PAK5: variants seen among roughly 807,000 people sequenced by gnomAD.
PAK5 encodes serine/threonine-protein kinase PAK 5.
Under a neutral mutation model 65.9 loss-of-function variants are expected in PAK5, and 16 were observed. That is an observed-to-expected ratio of 0.24 (90% CI 0.16 to 0.37). The LOEUF (loss-of-function observed/expected upper bound fraction) is 0.37. PAK5 is among the 10% of genes least tolerant of loss of function. The probability of loss-of-function intolerance (pLI) is 1.00; values close to 1 mark genes in which losing one functional copy is unlikely to be tolerated. For missense variants in PAK5, 785 were observed against 903.9 expected (o/e 0.87, Z 1.69); for synonymous variants, 371 against 354.9 (o/e 1.05, Z -0.51).
chr20:9,759,706 C>T (rs1455491128), intron 1 of PAK5, among the ~76,000 whole-genome samples: 1 of 152,030 alleles, frequency 6.6e-6, no homozygotes, highest in Non-Finnish European at 1.5e-5. Flanking sequence ...ATGCATGGGG[C>T]TTTTTTGAAA....
At chr20:9,574,939 G>A (rs770005847) in intron 4 of PAK5, among the ~76,000 whole-genome samples, 2 of 152,108 alleles carry the variant, frequency 1.3e-5, no homozygotes, top group East Asian at 1.9e-4. Context: ...TCTCTGAACC[G>A]AGTTCTGCAG....
chr20:9,601,785 T>C (rs1216206534), intron 3 of PAK5, among the ~76,000 whole-genome samples: 2 of 152,058 alleles, frequency 1.3e-5, no homozygotes, highest in African/African-American at 4.8e-5. Context: ...GAAAAAAACC[T>C]GACCTGGGCA....
chr20:9,594,442 T>A (rs1365038667), intron 3 of PAK5, among the ~76,000 whole-genome samples: 1 of 152,210 alleles, frequency 6.6e-6, no homozygotes, highest in Non-Finnish European at 1.5e-5. Context: ...TAAAGAATTA[T>A]CTGAGTTCCT....
At chr20:9,616,396 C>T (rs901753365) in intron 3 of PAK5, among the ~76,000 whole-genome samples, 3 of 152,318 alleles carry the variant, frequency 2.0e-5, no homozygotes, top group Middle Eastern at 6.8e-3. Context: ...CAATGTTCAT[C>T]CTTCCAGACT....
chr20:9,609,432 A>G (rs760600687), intron 3 of PAK5, among the ~76,000 whole-genome samples: 8 of 152,240 alleles, frequency 5.3e-5, no homozygotes, highest in African/African-American at 1.4e-4. Context: ...AGGGCAAAAC[A>G]TAAGTGTGAA....
chr20:9,791,373 C>T (rs747984362), intron 1 of PAK5, among the ~76,000 whole-genome samples: 1 of 152,118 alleles, frequency 6.6e-6, no homozygotes, highest in Non-Finnish European at 1.5e-5. Context: ...CCACCACTCA[C>T]CCAGTCACCC....
chr20:9,740,122 A>G (rs1011706099), intron 1 of PAK5, among the ~76,000 whole-genome samples: 2 of 152,188 alleles, frequency 1.3e-5, no homozygotes, highest in African/African-American at 4.8e-5. Flanking sequence ...TCTTTGGTGG[A>G]AAAATGTCGG....
intron 3 of PAK5, among the ~76,000 whole-genome samples, chr20:9,642,933 A>G (rs1811072184): frequency 6.6e-6 from 1 of 152,342 alleles, no homozygotes; most frequent in Non-Finnish European, 1.5e-5. Context: ...GAACAGACTC[A>G]TATGTTCAAT....
At chr20:9,540,939 T>A (rs1054279744) in intron 9 of PAK5, among the ~76,000 whole-genome samples, 3 of 152,132 alleles carry the variant, frequency 2.0e-5, no homozygotes, top group Admixed American at 6.5e-5. Flanking sequence ...GGTTTCACCG[T>A]GTTAGCCAGG....
intron 9 of PAK5, among the ~76,000 whole-genome samples, chr20:9,542,103 A>C (rs1461637344): frequency 6.6e-6 from 1 of 152,210 alleles, no homozygotes; most frequent in Non-Finnish European, 1.5e-5. Context: ...ACACTCTGTC[A>C]CATCACAGTA....
rs2045958959 is a variant in PAK5, at chr20:9,580,490, G to A, written c.645C>T (p.Leu215=). The A allele has an allele frequency of 6.2e-7, 1 of 1,614,008 alleles. No homozygotes were observed. Among genetic ancestry groups the A allele is most frequent in the Admixed American group, 1.7e-5 (1 of 60,000 alleles). Residue 215 remains leucine, a synonymous_variant, in exon 4 of 10, where the codon CTC becomes CTT. Transcript: ENST00000353224. ...SLSKPSEYSD[L]KWEYQRASSS... Reference sequence around the variant, plus strand: ...TCGAGGCTCTCTGATACTCCCACTTGAGGTCACTGTATTCACTTGGTTTGC... The same window carrying A: ...TCGAGGCTCTCTGATACTCCCACTTAAGGTCACTGTATTCACTTGGTTTGC...
At chr20:9,640,995 C>A (rs2047051347) in intron 3 of PAK5, among the ~76,000 whole-genome samples, 1 of 152,184 alleles carries the variant, frequency 6.6e-6, no homozygotes, top group Non-Finnish European at 1.5e-5. Context: ...CTGGCTCGGG[C>A]AGCCTGCTTT....
At chr20:9,722,440 G>A (rs2048226602) in intron 1 of PAK5, among the ~76,000 whole-genome samples, 1 of 151,730 alleles carries the variant, frequency 6.6e-6, no homozygotes, top group African/African-American at 2.4e-5. Flanking sequence ...GTGAAACCCC[G>A]TCTCTACTAA....
chr20:9,776,213 A>C (rs1476595373), intron 1 of PAK5, among the ~76,000 whole-genome samples: 1 of 152,254 alleles, frequency 6.6e-6, no homozygotes, highest in Non-Finnish European at 1.5e-5. Flanking sequence ...TAATATGTCC[A>C]AAGTTCAGAA....
chr20:9,629,270 T>C (rs2046890503), intron 3 of PAK5, among the ~76,000 whole-genome samples: 1 of 152,204 alleles, frequency 6.6e-6, no homozygotes, highest in African/African-American at 2.4e-5. Flanking sequence ...GTTATATTTA[T>C]GGTAATTTGT....
intron 4 of PAK5, among the ~76,000 whole-genome samples, chr20:9,578,328 T>A (rs1420163886): frequency 2.0e-5 from 3 of 152,010 alleles, no homozygotes; most frequent in Admixed American, 6.6e-5. Flanking sequence ...TCATCCTTTT[T>A]AAAAAAATAA....
intron 2 of PAK5, among the ~76,000 whole-genome samples, chr20:9,659,551 C>T (rs2047315790): frequency 6.6e-6 from 1 of 152,228 alleles, no homozygotes; most frequent in South Asian, 2.1e-4. Context: ...AAGCTGTCCA[C>T]TTTTAATGTC....
chr20:9,771,452 A>C (rs1391000391), intron 1 of PAK5, among the ~76,000 whole-genome samples: 2 of 151,436 alleles, frequency 1.3e-5, no homozygotes, highest in African/African-American at 4.9e-5. Flanking sequence ...TCTGTCACCC[A>C]GGCTAGAATG....
intron 1 of PAK5, among the ~76,000 whole-genome samples, chr20:9,799,928 G>A (rs1228327864): frequency 6.3e-5 from 6 of 95,384 alleles, no homozygotes; most frequent in African/African-American, 1.2e-4. Flanking sequence ...AATAGAGTGA[G>A]ACTCTGTCTC....
Sources: gnomAD v4.1 joint callset for allele counts (sites outside exome capture counted in the v4.1 genomes callset) on GRCh38, gnomAD v4.1.1 for gene constraint, MANE v1.5 for transcripts, NCBI Gene and HGNC (gene_info 2026-07-23, HGNC 2026-07-21) for gene names.